PATJ: variants seen among roughly 807,000 people sequenced by gnomAD.
PATJ encodes the protein inaD-like protein.
In PATJ, 190 loss-of-function variants were observed where a neutral mutation model predicts 224.9. The ratio of observed to expected loss-of-function variants is 0.84; its 90% CI spans 0.75 to 0.95. The LOEUF (loss-of-function observed/expected upper bound fraction) is 0.95, where lower values mean the gene tolerates loss of function less well. Among genes scored for constraint, PATJ ranks in the 40% least tolerant of loss-of-function variants. The pLI is 0.00. For missense variants in PATJ, 2,121 were observed against 2,270.3 expected (o/e 0.93, Z 1.34); for synonymous variants, 769 against 820.3 (o/e 0.94, Z 1.07).
intron 14 of PATJ, among the ~76,000 whole-genome samples, chr1:61,813,678 A>T (rs1311687935): frequency 6.6e-6 from 1 of 152,070 alleles, no homozygotes; most frequent in Non-Finnish European, 1.5e-5. Flanking sequence ...TATAGGTGAT[A>T]TGTGCCATGG....
At chr1:62,017,656 G>C (rs13375080) in intron 28 of PATJ, among the ~76,000 whole-genome samples, 200 bp from the exon 29 acceptor site, 1,839 of 149,504 alleles carry the variant, frequency 0.012, 40 homozygotes, top group African/African-American at 0.042. Context: ...CACTTGAACC[G>C]AGAAGGCGGA....
chr1:61,962,867 C>A (rs1276968721), intron 27 of PATJ, among the ~76,000 whole-genome samples: 1 of 152,146 alleles, frequency 6.6e-6, no homozygotes, highest in Non-Finnish European at 1.5e-5. Context: ...CTAGCTGCAG[C>A]TATCAAGGCG....
In PATJ at chr1:61,864,358, C is replaced by A; in HGVS notation, c.2560C>A (p.His854Asn). The A allele has an allele frequency of 3.1e-6, 5 of 1,614,018 alleles. No individual in the cohort carries two copies. The highest frequency in any genetic ancestry group is 4.2e-6 in the Non-Finnish European group (5 of 1,179,916). ...IEQSKEAWEMHEFLTPRLQEM... is the reference protein window; with the variant it reads ...IEQSKEAWEMNEFLTPRLQEM... Reference sequence around the variant, plus strand: ...GCAAAGCAAGGAGGCCTGGGAGATGCATGAATTTCTGACTCCTAGATTGCA... The same window carrying A: ...GCAAAGCAAGGAGGCCTGGGAGATGAATGAATTTCTGACTCCTAGATTGCA... Residue 854 changes from histidine (H) to asparagine (N), a missense_variant, in exon 20 of 44, where the codon CAT (histidine) becomes AAT (asparagine). By Grantham distance (68) the His-to-Asn change is moderately conservative. Coordinates refer to ENST00000642238, the MANE Select transcript of PATJ (RefSeq NM_001350145.3).
chr1:62,088,246 A>G (rs906552289), intron 33 of PATJ, among the ~76,000 whole-genome samples: 12 of 152,156 alleles, frequency 7.9e-5, no homozygotes, highest in Middle Eastern at 3.2e-3. Context: ...AAACACTTTG[A>G]CTAGCGCCAG....
chr1:62,150,427 GTCC>G (rs2149036977), intron 42 of PATJ, among the ~76,000 whole-genome samples: 1 of 152,184 alleles, frequency 6.6e-6, no homozygotes, highest in East Asian at 1.9e-4. Context: ...TTGAGAGAGG[GTCC>G]TGTGAAACCA....
Position 61,914,642 on chromosome 1 carries a change from A to G in PATJ, c.3548A>G (p.Asp1183Gly). 1.9e-6 allele frequency: 3 copies of G among 1,578,912 alleles called. No homozygotes were observed. Among genetic ancestry groups the G allele is most frequent in the Non-Finnish European group, 2.6e-6 (3 of 1,148,564 alleles). ...ANKITGNQNQ[D>G]TQEKKEKRQG... ...AAAATCACCGGTAACCAGAACCAGG[A>G]CACCCAAGAAAAGAAAGAAAAGGTA... Residue 1183 changes from aspartate to glycine, a missense_variant, in exon 26 of 44, where the codon GAC becomes GGC. Physicochemically the swap from Asp to Gly is moderately conservative, Grantham distance 94. Transcript: ENST00000642238.
At chr1:62,084,453 G>T in intron 32 of PATJ, 62 bp from the exon 33 acceptor site, 1 of 1,543,396 alleles carries the variant, frequency 6.5e-7, no homozygotes, top group Non-Finnish European at 8.7e-7. Context: ...CCACGTGATG[G>T]AACGTGCAGG....
intron 33 of PATJ, among the ~76,000 whole-genome samples, chr1:62,102,261 G>A (rs535452093): frequency 2.6e-5 from 4 of 152,164 alleles, no homozygotes; most frequent in African/African-American, 9.6e-5. Flanking sequence ...TAAATAAACA[G>A]GTCATCTTAC....
At chr1:62,037,430 C>G (rs1002126817) in intron 29 of PATJ, among the ~76,000 whole-genome samples, 1 of 152,122 alleles carries the variant, frequency 6.6e-6, no homozygotes, top group African/African-American at 2.4e-5. Context: ...CACCTACCCA[C>G]AAAGCATTGT....
At chr1:61,986,962 T>A (rs1035414356) in intron 27 of PATJ, among the ~76,000 whole-genome samples, 1 of 152,048 alleles carries the variant, frequency 6.6e-6, no homozygotes, top group Non-Finnish European at 1.5e-5. Context: ...TTTTTAACTT[T>A]TCTTGTTCTC....
At chr1:62,110,296 A>G (rs939431090) in intron 34 of PATJ, among the ~76,000 whole-genome samples, 3 of 152,158 alleles carry the variant, frequency 2.0e-5, no homozygotes, top group African/African-American at 7.2e-5. Context: ...GTTGTGGCTG[A>G]TGAGTACAAA....
chr1:61,824,203 TG>T (rs1657797560), intron 15 of PATJ, among the ~76,000 whole-genome samples: 1 of 150,812 alleles, frequency 6.6e-6, no homozygotes, highest in East Asian at 2.0e-4. Context: ...TTGGGAGAAA[TG>T]GAGGTATGAG....
At chr1:61,969,890 C>T (rs1444948290) in intron 27 of PATJ, among the ~76,000 whole-genome samples, 2 of 152,042 alleles carry the variant, frequency 1.3e-5, no homozygotes, top group Non-Finnish European at 2.9e-5. Context: ...GATGGGGTTT[C>T]ACCATGTTGG....
rs61653676 is a variant in PATJ, at chr1:62,106,158, G to GTATATATATA, written c.4378-2259_4378-2250dup. Among the ~76,000 whole-genome samples, 75 of 48,048 alleles carry GTATATATATA rather than the reference G, an allele frequency of 1.6e-3. 5 individuals carry two copies. The highest frequency in any genetic ancestry group is 5.6e-3 in the East Asian group (16 of 2,838). 31.5% of individuals were successfully genotyped at this position (48,048 alleles called of 152,430 possible). A position where few individuals can be genotyped will look rare whatever the true frequency, so the allele number is the denominator to read the frequency against. Reference sequence around the variant, plus strand: ...TACATGTGTATATGTGTGTGTGTGTGTATATATATATATATATATATATAT... The same window carrying GTATATATATA: ...TACATGTGTATATGTGTGTGTGTGTGTATATATATATATATATATATATATATATATATAT... On this transcript the variant is annotated intron_variant, in intron 33 of 43. Transcript: ENST00000642238.
At chr1:61,950,376 C>G (rs1226298613) in intron 27 of PATJ, among the ~76,000 whole-genome samples, 3 of 152,116 alleles carry the variant, frequency 2.0e-5, no homozygotes, top group Non-Finnish European at 2.9e-5. Flanking sequence ...ACTGATGAAA[C>G]CAGCACTAGA....
intron 10 of PATJ, 93 bp downstream of exon 10, chr1:61,795,651 T>G: frequency 3.1e-6 from 2 of 643,506 alleles, no homozygotes; most frequent in Non-Finnish European, 5.3e-6. Flanking sequence ...TAGCTTAATA[T>G]AGTTTTATAA....
At chr1:62,127,730 C>G (rs1429518578) in intron 39 of PATJ, among the ~76,000 whole-genome samples, 1 of 152,104 alleles carries the variant, frequency 6.6e-6, no homozygotes, top group Non-Finnish European at 1.5e-5. Flanking sequence ...TCGCTTGAAC[C>G]TGGGAGGCGG....
intron 18 of PATJ, among the ~76,000 whole-genome samples, chr1:61,856,594 T>C (rs1201054187): frequency 2.0e-5 from 3 of 152,114 alleles, no homozygotes; most frequent in East Asian, 1.9e-4. Flanking sequence ...AAATTATTAT[T>C]ATTATTATTT....
Position 61,936,393 on chromosome 1 carries a change from A to G in PATJ, c.3670+8564A>G, listed in dbSNP as rs1676875119. Among the ~76,000 whole-genome samples the G allele has an allele frequency of 4.8e-5, 7 of 147,044 alleles. No homozygotes were observed. The Admixed American group carries it at 5.0e-4, about 10-fold the overall frequency. On this transcript the variant is annotated intron_variant, in intron 27 of 43. Coordinates refer to ENST00000642238, the MANE Select transcript of PATJ (RefSeq NM_001350145.3). ...CTAGCCCCACTGTCCTCAAGAACCT[A>G]GCAATGCATTAAGCTCACCTCCTCT...
Sources: allele counts gnomAD v4.1 joint callset (sites outside exome capture counted in the v4.1 genomes callset), GRCh38; gene constraint gnomAD v4.1.1; transcripts MANE v1.5; gene names NCBI Gene and HGNC (gene_info 2026-07-23, HGNC 2026-07-21).